Variants in DPM1 observed in about 807,000 individuals in gnomAD.
DPM1 encodes dolichyl-phosphate mannosyltransferase subunit 1, catalytic.
Under a neutral mutation model 39.0 loss-of-function variants are expected in DPM1, and 27 were observed. The observed-to-expected ratio is 0.69, with a 90% CI of 0.51 to 0.95. The LOEUF (loss-of-function observed/expected upper bound fraction) is 0.95. DPM1 is among the 40% of genes least tolerant of loss of function. DPM1 has a pLI of 0.00. For synonymous variants in DPM1, 124 were observed against 109.0 expected (o/e 1.14, Z -0.86); for missense variants, 307 against 315.6 (o/e 0.97, Z 0.21).
At position 50,936,168 on chromosome 20, in the gene DPM1, A is replaced by C; in HGVS notation, c.658T>G (p.Leu220Val). Residue 220 changes from leucine (L) to valine (V), a missense_variant, in exon 8 of 9, where the codon TTG (leucine) becomes GTG (valine). Physicochemically the swap from Leu to Val is conservative, Grantham distance 32. This residue lies in a region of DPM1 where 70 missense variants were observed against 69.4 expected (regional missense o/e 1.01). Transcript: ENST00000371588. ...CATACCTCGCCAATAGTATAATTCAACTGTCTTGCCCGAACAATCATCTCC... is the reference window on the plus strand; with the variant it reads ...CATACCTCGCCAATAGTATAATTCACCTGTCTTGCCCGAACAATCATCTCC... The part of the protein sequence containing the change: ...QMEMIVRARQ[L>V]NYTIGEVPIS... The C allele has an allele frequency of 1.9e-6, 3 of 1,613,214 alleles. No individual in the cohort carries two copies. Among genetic ancestry groups the C allele is most frequent in the Non-Finnish European group, 2.5e-6 (3 of 1,179,282 alleles).
intron 6 of DPM1, chr20:50,941,154 C>T (rs189011599): frequency 8.7e-6 from 5 of 577,368 alleles, no homozygotes; most frequent in Non-Finnish European, 1.5e-5. Context: ...GCCAAGATGG[C>T]TGGATCACTT....
At chr20:50,940,742 G>T in intron 7 of DPM1, 123 bp downstream of exon 7, 1 of 822,554 alleles carries the variant, frequency 1.2e-6, no homozygotes, top group Non-Finnish European at 2.0e-6. Context: ...AGGAATTTTA[G>T]TCTGCCTTTT....
intron 2 of DPM1, 123 bp downstream of exon 2, chr20:50,955,063 C>T (rs1986757628): frequency 2.4e-6 from 2 of 817,180 alleles, no homozygotes; most frequent in Admixed American, 2.3e-5. Context: ...ATCCCAAATG[C>T]GTAAGTTGCT....
At chr20:50,958,264 G>T (rs1047816071) in intron 1 of DPM1, 99 bp downstream of exon 1, 10 of 1,515,242 alleles carry the variant, frequency 6.6e-6, no homozygotes, top group Non-Finnish European at 8.9e-6. Context: ...GTGAGGCAAA[G>T]AAGGCTGGAC....
intron 7 of DPM1, among the ~76,000 whole-genome samples, chr20:50,937,247 G>A (rs1209910852): frequency 6.6e-6 from 1 of 151,992 alleles, no homozygotes; most frequent in Non-Finnish European, 1.5e-5. Flanking sequence ...CTTCTAAGGC[G>A]ACCTTATCTT....
chr20:50,949,765 T>C (rs1366954177), intron 2 of DPM1, among the ~76,000 whole-genome samples: 1 of 139,446 alleles, frequency 7.2e-6, no homozygotes, highest in Non-Finnish European at 1.5e-5. Context: ...AGCAGATGAT[T>C]TTTTTTTTTT....
intron 6 of DPM1, chr20:50,941,230 AT>A (rs1171322414): frequency 6.4e-4 from 41 of 63,884 alleles, no homozygotes; most frequent in Non-Finnish European, 7.1e-4. Context: ...AAAAGTGAAT[AT>A]ATATATATAT....
chr20:50,936,068 A>C, intron 8 of DPM1, 80 bp downstream of exon 8: 1 of 1,038,604 alleles, frequency 9.6e-7, no homozygotes, highest in Admixed American at 1.8e-5. Flanking sequence ...TATGAAAGTT[A>C]AACTTTTTAT....
intron 7 of DPM1, among the ~76,000 whole-genome samples, chr20:50,938,620 T>A (rs887204282): frequency 1.3e-5 from 2 of 150,572 alleles, no homozygotes; most frequent in African/African-American, 4.9e-5. Context: ...GACCTTGTGA[T>A]CCACCTGCCT....
At chr20:50,948,267 T>C (rs1291291886) in intron 3 of DPM1, among the ~76,000 whole-genome samples, 1 of 152,140 alleles carries the variant, frequency 6.6e-6, no homozygotes, top group African/African-American at 2.4e-5. Context: ...GCCCAGGTTC[T>C]TGGGCTCTAA....
intron 7 of DPM1, among the ~76,000 whole-genome samples, chr20:50,939,892 C>T (rs1382243065): frequency 1.3e-5 from 2 of 152,204 alleles, no homozygotes; most frequent in Non-Finnish European, 2.9e-5. Context: ...GGATTATAGG[C>T]GCAAGCCACT....
At position 50,935,052 on chromosome 20, in the gene DPM1, T is replaced by A. The variant is rs1475889843; in HGVS notation, c.*80A>T. Reference sequence around the variant, plus strand: ...TACCTTATATTTTATACTTTAAGAGTACATTTTATACAAATCAGTAACCAG... The same window carrying A: ...TACCTTATATTTTATACTTTAAGAGAACATTTTATACAAATCAGTAACCAG... On this transcript the variant is annotated 3_prime_UTR_variant, in exon 9 of 9. Coordinates refer to ENST00000371588, the MANE Select transcript of DPM1 (RefSeq NM_003859.3). 1 of 824,600 alleles carries A rather than the reference T, an allele frequency of 1.2e-6. No individual in the cohort carries two copies. Among genetic ancestry groups the A allele is most frequent in the African/African-American group, 1.7e-5 (1 of 58,176 alleles). The allele number at this position is 824,600 out of a possible 1,614,324, so 51.1% of individuals were successfully genotyped here.
chr20:50,938,717 T>C (rs893841092), intron 7 of DPM1, among the ~76,000 whole-genome samples: 13 of 147,146 alleles, frequency 8.8e-5, no homozygotes, highest in South Asian at 4.8e-4. Context: ...CAGTGGCTCA[T>C]GCCTGTAATC....
chr20:50,945,284 T>TGTGTG lies in DPM1; in HGVS notation c.398+452_398+453insCACAC, dbSNP rs1555822494. ...TACATCATTTAGTCTCAAATGTGTG[T>TGTGTG]TGTGTGTGTGTGTGTGTGTGTGTGT... On this transcript the variant is annotated intron_variant, in intron 5 of 8. Transcript: ENST00000371588. The TGTGTG allele has an allele frequency of 1.9e-3, 291 of 157,094 alleles. 3 individuals are homozygous for TGTGTG. In the East Asian group the frequency reaches 0.021, roughly 11 times the overall value. The allele number at this position is 157,094 out of a possible 1,614,324, so 9.7% of individuals were successfully genotyped here.
intron 2 of DPM1, among the ~76,000 whole-genome samples, chr20:50,953,450 G>A (rs1044124315): frequency 5.3e-5 from 8 of 152,052 alleles, no homozygotes; most frequent in South Asian, 2.1e-4. Context: ...TTTTCTCAAC[G>A]AAACATACAT....
intron 2 of DPM1, among the ~76,000 whole-genome samples, chr20:50,954,221 T>A (rs974017192): frequency 6.6e-6 from 1 of 151,558 alleles, no homozygotes; most frequent in Non-Finnish European, 1.5e-5. Flanking sequence ...TAAATAACAA[T>A]AAAGGTTCTC....
At position 50,948,650 on chromosome 20, in the gene DPM1, G is replaced by T. The variant is rs121908583; in HGVS notation, c.274C>A (p.Arg92=). ...TTACCTAGTCCCAACTTTTTCTCTC[G>T]TGGTCTTAGAAGCTGTAGGAATAAG... ...YGSDRILLRP[R]EKKLGLGTAY... The change falls in exon 3 of 9, where the codon CGA becomes AGA. Residue 92 remains arginine (R), a synonymous_variant. Transcript: ENST00000371588. The T allele has an allele frequency of 6.2e-7, 1 of 1,613,660 alleles. No homozygotes were observed. The highest frequency in any genetic ancestry group is 1.3e-5 in the African/African-American group (1 of 74,874).
chr20:50,945,704 A>T (rs770378948), intron 5 of DPM1, 33 bp downstream of exon 5: 1 of 1,502,880 alleles, frequency 6.7e-7, no homozygotes, highest in Non-Finnish European at 9.2e-7. Context: ...GTTTCCAGTC[A>T]TATTTCTTTC....
At chr20:50,956,540 A>AAAAAAG (rs1482413985) in intron 1 of DPM1, among the ~76,000 whole-genome samples, 1 of 151,990 alleles carries the variant, frequency 6.6e-6, no homozygotes, top group African/African-American at 2.4e-5. Context: ...AGAAAAAAAA[A>AAAAAAG]AAAAAGAAAA....
Sources: gnomAD v4.1 joint callset for allele counts (sites outside exome capture counted in the v4.1 genomes callset) on GRCh38, gnomAD v4.1.1 for gene constraint, gnomAD v4.1.1 regional missense constraint, MANE v1.5 for transcripts, NCBI Gene and HGNC (gene_info 2026-07-23, HGNC 2026-07-21) for gene names.